SEC23B: variants seen among roughly 807,000 people sequenced by gnomAD.
The protein encoded by SEC23B is protein transport protein Sec23B.
Under a neutral mutation model 104.3 loss-of-function variants are expected in SEC23B, and 77 were observed. The ratio of observed to expected loss-of-function variants is 0.74; its 90% CI spans 0.61 to 0.89. The LOEUF (loss-of-function observed/expected upper bound fraction) is 0.89. Among genes scored for constraint, SEC23B ranks in the 40% least tolerant of loss-of-function variants. SEC23B has a pLI of 0.00. For synonymous variants in SEC23B, 338 were observed against 332.5 expected, an observed-to-expected ratio of 1.02 and a Z score of -0.18; for missense variants, 885 against 949.4, an observed-to-expected ratio of 0.93 and a Z score of 0.89.
intron 12 of SEC23B, among the ~76,000 whole-genome samples, chr20:18,540,912 C>T (rs1294515901): frequency 6.6e-6 from 1 of 152,170 alleles, no homozygotes; most frequent in Non-Finnish European, 1.5e-5. Context: ...AGTCAACCTG[C>T]CCTTTGAAGC....
At chr20:18,550,958 T>G in intron 16 of SEC23B, 131 bp from the exon 17 acceptor site, 1 of 724,816 alleles carries the variant, frequency 1.4e-6, no homozygotes, top group Non-Finnish European at 2.5e-6. Context: ...AGGGGTGACT[T>G]ACTGTGCTGG....
chr20:18,523,604 T>C (rs915346380), intron 4 of SEC23B, among the ~76,000 whole-genome samples: 7 of 151,840 alleles, frequency 4.6e-5, no homozygotes, highest in African/African-American at 7.3e-5. Flanking sequence ...GGTTTCACCA[T>C]GTTGGCCAGG....
At chr20:18,548,178 C>T (rs1451701472) in intron 15 of SEC23B, among the ~76,000 whole-genome samples, 3 of 151,888 alleles carry the variant, frequency 2.0e-5, no homozygotes, top group Non-Finnish European at 4.4e-5. Flanking sequence ...CTTGAACTCC[C>T]GACCTCAGGT....
intron 17 of SEC23B, 53 bp downstream of exon 17, chr20:18,551,228 A>G: frequency 2.0e-6 from 2 of 990,014 alleles, no homozygotes; most frequent in Middle Eastern, 2.7e-4. Flanking sequence ...AATTGGAGAA[A>G]AGGCATACAC....
chr20:18,543,225 G>T (rs564194910), intron 14 of SEC23B, 53 bp downstream of exon 14: 2 of 1,606,668 alleles, frequency 1.2e-6, no homozygotes, highest in Non-Finnish European at 1.7e-6. Context: ...CTTTACTTTC[G>T]AGAAGAAAAT....
At chr20:18,521,266 AG>A (rs1033253325) in intron 4 of SEC23B, among the ~76,000 whole-genome samples, 7 of 152,184 alleles carry the variant, frequency 4.6e-5, no homozygotes, top group Non-Finnish European at 1.0e-4. Flanking sequence ...GTGGGGTTTA[AG>A]GGCTGGAATC....
At chr20:18,557,745 C>CTTTTTTTTTTTTTTTTTT (rs11477198) in intron 19 of SEC23B, among the ~76,000 whole-genome samples, 5 of 116,824 alleles carry the variant, frequency 4.3e-5, no homozygotes, top group Admixed American at 9.3e-5. Context: ...TTTTTCTTTT[C>CTTTTTTTTTTTTTTTTTT]TTTTTTTTTT....
upstream of SEC23B, chr20:18,507,755 C>A (rs4813333): frequency 6.6e-6 from 1 of 152,284 alleles, no homozygotes; most frequent in African/African-American, 2.4e-5. Context: ...TGAAGTGCGA[C>A]ATACACCTGT....
At chr20:18,550,630 C>T (rs1220544914) in intron 16 of SEC23B, among the ~76,000 whole-genome samples, 1 of 152,024 alleles carries the variant, frequency 6.6e-6, no homozygotes, top group African/African-American at 2.4e-5. Flanking sequence ...TATCATTAAG[C>T]CTGGACAACA....
chr20:18,530,466 C>T (rs1028385167), intron 9 of SEC23B, among the ~76,000 whole-genome samples: 5 of 152,132 alleles, frequency 3.3e-5, no homozygotes, highest in Admixed American at 1.3e-4. Flanking sequence ...AACTCCTGAC[C>T]GCAAGTGATC....
intron 13 of SEC23B, 67 bp downstream of exon 13, chr20:18,542,469 A>G: frequency 1.5e-6 from 2 of 1,352,862 alleles, no homozygotes; most frequent in East Asian, 2.3e-5. Flanking sequence ...GAGATACTTT[A>G]ACATTTGTTA....
intron 18 of SEC23B, 74 bp from the exon 19 acceptor site, chr20:18,555,034 A>T (rs1292099959): frequency 8.7e-6 from 12 of 1,381,292 alleles, no homozygotes; most frequent in Non-Finnish European, 1.2e-5. Flanking sequence ...GTAAAAACTT[A>T]TCTTTTTTCT....
At position 18,530,722 on chromosome 20, in the gene SEC23B, C is replaced by G; in HGVS notation, c.1152C>G (p.Phe384Leu). The change falls in exon 10 of 20, where the codon TTC (phenylalanine) becomes TTG (leucine). Residue 384 changes from phenylalanine to leucine, a missense_variant. Transcript: ENST00000650089. ...VMGDSFNTSL[F>L]KQTFQRIFTK... ...GAGATTCTTTCAACACTTCTCTCTT[C>G]AAGCAGACATTCCAAAGAATCTTTA... 1 of 1,612,512 alleles carries G rather than the reference C, an allele frequency of 6.2e-7. No homozygotes were observed. The highest frequency in any genetic ancestry group is 8.5e-7 in the Non-Finnish European group (1 of 1,178,602).
At chr20:18,558,705 T>C (rs2060464322) in intron 19 of SEC23B, among the ~76,000 whole-genome samples, 1 of 152,258 alleles carries the variant, frequency 6.6e-6, no homozygotes, top group South Asian at 2.1e-4. Context: ...TGTTTGTCAC[T>C]GTATTTTTCA....
intron 12 of SEC23B, among the ~76,000 whole-genome samples, chr20:18,538,993 C>A (rs1270671639): frequency 1.3e-5 from 2 of 148,634 alleles, no homozygotes; most frequent in African/African-American, 2.5e-5. Flanking sequence ...ATCACGAGGT[C>A]AGGAGTTCGA....
At chr20:18,559,088 G>T (rs1308461831) in intron 19 of SEC23B, among the ~76,000 whole-genome samples, 10 of 143,932 alleles carry the variant, frequency 6.9e-5, no homozygotes, top group African/African-American at 2.0e-4. Flanking sequence ...GGTGGGGGGG[G>T]TGTCGGGGGC....
At chr20:18,531,871 A>G (rs1353766476) in intron 10 of SEC23B, among the ~76,000 whole-genome samples, 2 of 148,868 alleles carry the variant, frequency 1.3e-5, no homozygotes, top group African/African-American at 4.9e-5. Context: ...GCAACATAGC[A>G]AGACCCTGTG....
chr20:18,557,750 T>C (rs1323725304), intron 19 of SEC23B, among the ~76,000 whole-genome samples: 1 of 149,758 alleles, frequency 6.7e-6, no homozygotes, highest in African/African-American at 2.4e-5. Flanking sequence ...CTTTTCTTTT[T>C]TTTTTTTTTT....
chr20:18,524,990 A>T lies in SEC23B; in HGVS notation c.659A>T (p.Gln220Leu). The T allele has an allele frequency of 1.2e-6, 2 of 1,614,116 alleles. No homozygotes were observed. The highest frequency in any genetic ancestry group is 8.5e-7 in the Non-Finnish European group (1 of 1,180,020). ...AMPMQQARPAQPQEHPFASSR... is the reference protein window; with the variant it reads ...AMPMQQARPALPQEHPFASSR... ...CCCATGCAGCAAGCACGACCTGCAC[A>T]ACCACAGGAGCACCCTTTTGCTTCA... Residue 220 changes from glutamine (Q) to leucine (L), a missense_variant, in exon 6 of 20, where the codon CAA becomes CTA. Transcript: ENST00000650089.
Sources: allele counts gnomAD v4.1 joint callset (sites outside exome capture counted in the v4.1 genomes callset), GRCh38; gene constraint gnomAD v4.1.1; transcripts MANE v1.5; gene names NCBI Gene and HGNC (gene_info 2026-07-23, HGNC 2026-07-21).